Variants in DCDC1 observed in about 807,000 individuals in gnomAD.
DCDC1 encodes doublecortin domain containing 1, also known as doublecortin domain-containing protein 1.
Under a neutral mutation model 178.3 loss-of-function variants are expected in DCDC1, and 200 were observed. The ratio of observed to expected loss-of-function variants is 1.12; its 90% CI spans 1.00 to 1.26. The LOEUF (loss-of-function observed/expected upper bound fraction) is 1.26, where lower values mean the gene tolerates loss of function less well. Among genes scored for constraint, DCDC1 ranks in the 50% most tolerant of loss-of-function variants. The pLI, the probability that DCDC1 is intolerant of heterozygous loss-of-function variation, is 0.00. For synonymous variants in DCDC1, 690 were observed against 604.8 expected, an observed-to-expected ratio of 1.14 and a Z score of -2.07; for missense variants, 1,983 against 1,749.2, an observed-to-expected ratio of 1.13 and a Z score of -2.38.
chr11:31,115,561 G>A (rs1959771694), intron 11 of DCDC1, among the ~76,000 whole-genome samples: 1 of 152,162 alleles, frequency 6.6e-6, no homozygotes, highest in Non-Finnish European at 1.5e-5. Context: ...GTCTGGTGAA[G>A]GAAAGGAATA....
At chr11:31,214,793 T>A (rs550583961) in intron 9 of DCDC1, among the ~76,000 whole-genome samples, 1 of 152,112 alleles carries the variant, frequency 6.6e-6, no homozygotes, top group Non-Finnish European at 1.5e-5. Flanking sequence ...GGGAAAGAGA[T>A]TATTTGTTCT....
At chr11:30,982,548 G>A (rs374920971) in intron 20 of DCDC1, among the ~76,000 whole-genome samples, 2 of 149,652 alleles carry the variant, frequency 1.3e-5, no homozygotes, top group African/African-American at 2.4e-5. Context: ...ATGTAATGAC[G>A]TATTTAACAT....
intron 27 of DCDC1, among the ~76,000 whole-genome samples, chr11:30,914,173 T>C (rs1463197361): frequency 2.0e-5 from 3 of 152,242 alleles, no homozygotes; most frequent in East Asian, 3.8e-4. Flanking sequence ...ACCTACACAT[T>C]GCAAAGGCAG....
At chr11:31,052,082 C>G (rs1288714415) in intron 20 of DCDC1, among the ~76,000 whole-genome samples, 1 of 152,182 alleles carries the variant, frequency 6.6e-6, no homozygotes, top group Non-Finnish European at 1.5e-5. Context: ...ACTCACCACC[C>G]TACTATCTGC....
At chr11:31,050,899 T>C (rs1019655565) in intron 20 of DCDC1, among the ~76,000 whole-genome samples, 8 of 151,984 alleles carry the variant, frequency 5.3e-5, no homozygotes, top group Non-Finnish European at 1.2e-4. Flanking sequence ...GAAAACCAAC[T>C]CTGATAATAT....
intron 21 of DCDC1, among the ~76,000 whole-genome samples, chr11:30,933,641 G>A (rs528160178): frequency 6.6e-6 from 1 of 152,234 alleles, no homozygotes. Flanking sequence ...CTCAAGGTTT[G>A]GTATGAACCT....
intron 17 of DCDC1, among the ~76,000 whole-genome samples, chr11:31,090,619 T>C (rs1565269900): frequency 6.6e-6 from 1 of 152,188 alleles, no homozygotes; most frequent in Non-Finnish European, 1.5e-5. Flanking sequence ...GTAGATCACA[T>C]TCTTAATCAT....
chr11:31,046,769 A>C (rs781247815), intron 20 of DCDC1, among the ~76,000 whole-genome samples: 1 of 151,982 alleles, frequency 6.6e-6, no homozygotes, highest in Non-Finnish European at 1.5e-5. Flanking sequence ...TAGAAATTAA[A>C]ACAAATCCTA....
At chr11:30,880,518 A>C (rs984174021) in intron 37 of DCDC1, among the ~76,000 whole-genome samples, 2 of 152,174 alleles carry the variant, frequency 1.3e-5, no homozygotes, top group Non-Finnish European at 2.9e-5. Flanking sequence ...GATGCCAGGC[A>C]ATTCATTACC....
chr11:30,868,337 G>C (rs565887229), intron 38 of DCDC1, among the ~76,000 whole-genome samples: 22 of 125,366 alleles, frequency 1.8e-4, no homozygotes, highest in Non-Finnish European at 2.9e-4. Context: ...TGCAGCCTCC[G>C]CCTCCCGGGT....
At chr11:31,146,885 T>A (rs1436062581) in intron 9 of DCDC1, among the ~76,000 whole-genome samples, 2 of 152,162 alleles carry the variant, frequency 1.3e-5, no homozygotes, top group African/African-American at 4.8e-5. Flanking sequence ...CTAGGACACA[T>A]GAAAACCAAG....
chr11:31,158,342 C>A (rs903633742), intron 9 of DCDC1, among the ~76,000 whole-genome samples: 6 of 151,798 alleles, frequency 4.0e-5, no homozygotes, highest in Admixed American at 2.6e-4. Context: ...TGGTCTCGAT[C>A]TCCTGACCTT....
chr11:31,244,428 CA>C (rs1371263762), intron 8 of DCDC1, among the ~76,000 whole-genome samples: 2 of 151,538 alleles, frequency 1.3e-5, no homozygotes, highest in African/African-American at 4.8e-5. Context: ...TGTGTCCTTC[CA>C]ACCATGTGCT....
At chr11:31,160,776 T>A (rs1238719395) in intron 9 of DCDC1, among the ~76,000 whole-genome samples, 1 of 152,176 alleles carries the variant, frequency 6.6e-6, no homozygotes, top group Non-Finnish European at 1.5e-5. Flanking sequence ...GTGAAACATT[T>A]AAAAAATGCT....
intron 8 of DCDC1, chr11:31,263,178 T>C: frequency 8.9e-7 from 1 of 1,127,992 alleles, no homozygotes; most frequent in Admixed American, 2.2e-5. Flanking sequence ...GTTTCAATTC[T>C]AGCAGTTCAT....
chr11:31,000,429 A>T (rs188179977), intron 20 of DCDC1, among the ~76,000 whole-genome samples: 18 of 152,174 alleles, frequency 1.2e-4, no homozygotes, highest in South Asian at 4.1e-4. Flanking sequence ...ATTAAGAATG[A>T]CATAGAAAGA....
At chr11:31,107,114 G>A (rs919448423) in intron 12 of DCDC1, among the ~76,000 whole-genome samples, 154 bp from the exon 13 acceptor site, 2 of 152,114 alleles carry the variant, frequency 1.3e-5, no homozygotes, top group African/African-American at 4.8e-5. Flanking sequence ...GTGAAATGAC[G>A]GCAATGTTTA....
At chr11:31,088,815 A>G (rs1463212012) in intron 17 of DCDC1, among the ~76,000 whole-genome samples, 1 of 152,080 alleles carries the variant, frequency 6.6e-6, no homozygotes, top group African/African-American at 2.4e-5. Context: ...CTCCTGCCTC[A>G]GCCTCCCAAG....
At chr11:31,089,336 C>T (rs955540917) in intron 17 of DCDC1, among the ~76,000 whole-genome samples, 16 of 152,092 alleles carry the variant, frequency 1.1e-4, no homozygotes, top group East Asian at 1.9e-4. Context: ...GTACATAATA[C>T]GCCTGTTCTC....
Sources: allele counts gnomAD v4.1 joint callset (sites outside exome capture counted in the v4.1 genomes callset), GRCh38; gene constraint gnomAD v4.1.1; transcripts MANE v1.5; gene names NCBI Gene and HGNC (gene_info 2026-07-23, HGNC 2026-07-21).